Variants in RARB observed in about 807,000 individuals in gnomAD.
RARB encodes HBV-activated protein.
A neutral mutation model predicts 51.9 loss-of-function variants in RARB; 17 were observed. The ratio of observed to expected loss-of-function variants is 0.33; its 90% CI spans 0.22 to 0.49. The LOEUF is 0.49. Among genes scored for constraint, RARB ranks in the 20% least tolerant of loss-of-function variants. The pLI is 0.99. For synonymous variants in RARB, 215 were observed against 195.4 expected, an observed-to-expected ratio of 1.10 and a Z score of -0.84; for missense variants, 369 against 550.8, an observed-to-expected ratio of 0.67 and a Z score of 3.30.
chr3:25,438,154 A>G (rs1253533420), intron 1 of RARB, among the ~76,000 whole-genome samples: 1 of 152,176 alleles, frequency 6.6e-6, no homozygotes, highest in Non-Finnish European at 1.5e-5. Context: ...GGGGATCTGC[A>G]TGTGACTTGT....
chr3:25,120,902 T>C (rs750725491), intron 3 of RARB, among the ~76,000 whole-genome samples: 16 of 152,264 alleles, frequency 1.1e-4, no homozygotes, highest in East Asian at 9.7e-4. Flanking sequence ...CACTTTCCCA[T>C]GGCAGAGTCA....
intron 2 of RARB, among the ~76,000 whole-genome samples, chr3:25,031,908 C>T (rs1011216263): frequency 6.6e-6 from 1 of 152,126 alleles, no homozygotes; most frequent in African/African-American, 2.4e-5. Context: ...GAATCCACAT[C>T]AGGAAAAATA....
At chr3:25,190,443 A>C (rs900578307) in intron 5 of RARB, among the ~76,000 whole-genome samples, 1 of 152,098 alleles carries the variant, frequency 6.6e-6, no homozygotes, top group Non-Finnish European at 1.5e-5. Context: ...AGTGTAAAGT[A>C]TTTCTAATCT....
At chr3:25,451,593 G>C (rs1235781554) in intron 1 of RARB, among the ~76,000 whole-genome samples, 1 of 152,226 alleles carries the variant, frequency 6.6e-6, no homozygotes, top group Non-Finnish European at 1.5e-5. Flanking sequence ...TTGAGAAAAA[G>C]AGGGTTTTGG....
intron 2 of RARB, among the ~76,000 whole-genome samples, chr3:25,032,398 G>C (rs1697894297): frequency 6.6e-6 from 1 of 152,182 alleles, no homozygotes; most frequent in Admixed American, 6.5e-5. Context: ...GCCAGTTTCA[G>C]TCATTAGTTG....
intron 5 of RARB, among the ~76,000 whole-genome samples, chr3:25,383,727 C>T (rs1045777832): frequency 6.6e-6 from 1 of 151,980 alleles, no homozygotes; most frequent in African/African-American, 2.4e-5. Context: ...CAGGAGTTCA[C>T]GACCAGTCTG....
intron 3 of RARB, among the ~76,000 whole-genome samples, chr3:25,521,098 C>T (rs1375188449): frequency 6.6e-6 from 1 of 152,166 alleles, no homozygotes; most frequent in Non-Finnish European, 1.5e-5. Context: ...AACTCAGAGC[C>T]TTCAGAGCAA....
intron 5 of RARB, among the ~76,000 whole-genome samples, chr3:25,392,606 A>G (rs891272549): frequency 1.1e-4 from 17 of 151,832 alleles, no homozygotes; most frequent in African/African-American, 3.9e-4. Context: ...GGTCTTCCAC[A>G]TCCTTGGTTA....
At chr3:25,589,617 A>G (rs1701535198) in intron 5 of RARB, among the ~76,000 whole-genome samples, 1 of 152,176 alleles carries the variant, frequency 6.6e-6, no homozygotes, top group South Asian at 2.1e-4. Context: ...CCAGGGTTCC[A>G]TTAACAAGTG....
chr3:25,416,829 A>G (rs148509544), intron 5 of RARB, among the ~76,000 whole-genome samples: 1,547 of 152,230 alleles, frequency 0.01, 12 homozygotes, highest in Middle Eastern at 0.044. Context: ...ATGGACTTCT[A>G]TGGGGCACTC....
chr3:25,164,825 A>C (rs553350424), intron 4 of RARB, among the ~76,000 whole-genome samples: 11 of 152,282 alleles, frequency 7.2e-5, no homozygotes, highest in African/African-American at 2.6e-4. Flanking sequence ...TCTCTATCTT[A>C]AATTATAAAC....
In RARB at chr3:25,597,146, C is replaced by CT. The variant is rs1383958948; in HGVS notation, c.*531dup. 1 of 152,866 alleles carries CT rather than the reference C, an allele frequency of 6.5e-6. No homozygotes were observed. Among genetic ancestry groups the CT allele is most frequent in the Admixed American group, 6.5e-5 (1 of 15,322 alleles). 9.5% of individuals were successfully genotyped at this position (152,866 alleles called of 1,614,324 possible). ...TAAGGAAACAGGACTATTGACAGGA[C>CT]TATTGTACAGTATGACAAGATAAGG... On this transcript the variant is annotated 3_prime_UTR_variant, in exon 8 of 8. Coordinates refer to ENST00000330688, the MANE Select transcript of RARB (RefSeq NM_000965.5).
chr3:25,013,823 G>C (rs1697448831), intron 2 of RARB, among the ~76,000 whole-genome samples: 2 of 152,088 alleles, frequency 1.3e-5, no homozygotes, highest in South Asian at 4.1e-4. Context: ...AACAGATCCT[G>C]TCTGTGTTAC....
chr3:25,219,423 G>C (rs1559510506), intron 5 of RARB, among the ~76,000 whole-genome samples: 1 of 152,168 alleles, frequency 6.6e-6, no homozygotes. Context: ...TCCTGCGCTT[G>C]AACCACTTTG....
At chr3:25,360,803 G>T (rs906266042) in intron 5 of RARB, among the ~76,000 whole-genome samples, 2 of 152,088 alleles carry the variant, frequency 1.3e-5, no homozygotes, top group African/African-American at 4.8e-5. Flanking sequence ...TTGAATATTG[G>T]CCCCTACTCT....
At chr3:24,930,057 T>C (rs1284458722) in intron 2 of RARB, among the ~76,000 whole-genome samples, 1 of 152,104 alleles carries the variant, frequency 6.6e-6, no homozygotes, top group East Asian at 1.9e-4. Context: ...CTCCTTTTGA[T>C]GTGAAATATA....
intron 2 of RARB, among the ~76,000 whole-genome samples, chr3:24,894,241 G>C (rs919745761): frequency 4.0e-5 from 6 of 151,860 alleles, no homozygotes; most frequent in Admixed American, 2.6e-4. Flanking sequence ...GTACCTGATA[G>C]GCGATCTTTC....
chr3:25,345,887 T>A, intron 5 of RARB: 6 of 912,084 alleles, frequency 6.6e-6, no homozygotes, highest in Non-Finnish European at 7.9e-6. Context: ...TAAATATGTA[T>A]AATTATCACA....
chr3:25,542,442 G>GTTATTCACCAAATCACTAATATCCAAA (rs1699423539), intron 3 of RARB, among the ~76,000 whole-genome samples: 4 of 152,258 alleles, frequency 2.6e-5, no homozygotes, highest in African/African-American at 9.6e-5. Flanking sequence ...TTAGGGTGGT[G>GTTATTCACCAAATCACTAATATCCAAA]GTAAGGTAGA....
Sources: gnomAD v4.1 joint callset for allele counts (sites outside exome capture counted in the v4.1 genomes callset) on GRCh38, gnomAD v4.1.1 for gene constraint, MANE v1.5 for transcripts, NCBI Gene and HGNC (gene_info 2026-07-23, HGNC 2026-07-21) for gene names.